MACROD2: variants seen among roughly 807,000 people sequenced by gnomAD.
The protein encoded by MACROD2 is mono-ADP ribosylhydrolase 2.
In MACROD2, 36 loss-of-function variants were observed where a neutral mutation model predicts 70.4. The ratio of observed to expected loss-of-function variants is 0.51; its 90% CI spans 0.39 to 0.68. MACROD2 has a LOEUF of 0.68. Among genes scored for constraint, MACROD2 ranks in the 30% least tolerant of loss-of-function variants. The probability of loss-of-function intolerance (pLI) is 0.00; values close to 1 mark genes in which losing one functional copy is unlikely to be tolerated. For missense variants in MACROD2, 496 were observed against 538.4 expected (o/e 0.92, Z 0.78); for synonymous variants, 172 against 178.8 (o/e 0.96, Z 0.30).
At chr20:14,161,690 C>T (rs942484255) in intron 3 of MACROD2, among the ~76,000 whole-genome samples, 1 of 151,956 alleles carries the variant, frequency 6.6e-6, no homozygotes, top group African/African-American at 2.4e-5. Context: ...GATTCTCCTG[C>T]CTCAGCCTTC....
At chr20:15,588,537 C>T (rs1027058788) in intron 8 of MACROD2, among the ~76,000 whole-genome samples, 1 of 152,114 alleles carries the variant, frequency 6.6e-6, no homozygotes, top group Non-Finnish European at 1.5e-5. Context: ...AACGTTTATG[C>T]TCTGTTTACC....
chr20:15,828,063 A>C (rs1474399290), intron 8 of MACROD2, among the ~76,000 whole-genome samples: 1 of 152,200 alleles, frequency 6.6e-6, no homozygotes, highest in Non-Finnish European at 1.5e-5. Flanking sequence ...GGTCTATTGT[A>C]CAGAATGATG....
At position 14,708,907 on chromosome 20, in the gene MACROD2, C is replaced by T. The variant is rs549896737; in HGVS notation, c.418+23948C>T. 1.6e-3 allele frequency among the ~76,000 whole-genome samples: 239 copies of T among 152,240 alleles called. 2 individuals carry two copies. The highest frequency in any genetic ancestry group is 1.0e-3 in the Non-Finnish European group (70 of 68,018). On this transcript the variant is annotated intron_variant, in intron 5 of 17. Coordinates refer to ENST00000684519, the MANE Select transcript of MACROD2 (RefSeq NM_001351661.2). ...TGCTGGAATTACAGGTGTGAGCCAC[C>T]GTGCCTGACCTGAACACCTGTTTTT...
At chr20:16,010,912 G>T (rs992790584) in intron 15 of MACROD2, among the ~76,000 whole-genome samples, 5 of 152,304 alleles carry the variant, frequency 3.3e-5, no homozygotes, top group South Asian at 2.1e-4. Flanking sequence ...CAAACGTGGT[G>T]TTCTCCTTTT....
At chr20:15,404,957 A>T (rs2045979188) in intron 6 of MACROD2, among the ~76,000 whole-genome samples, 2 of 152,226 alleles carry the variant, frequency 1.3e-5, no homozygotes, top group African/African-American at 4.8e-5. Flanking sequence ...TCAGTCATAA[A>T]AATGAAGTAC....
At chr20:15,511,951 G>T (rs530199946) in intron 8 of MACROD2, among the ~76,000 whole-genome samples, 2 of 152,358 alleles carry the variant, frequency 1.3e-5, no homozygotes, top group South Asian at 4.1e-4. Context: ...TCTTCAGGTA[G>T]TGGTTGAGAA....
chr20:14,009,134 A>T (rs1457685862), intron 2 of MACROD2, among the ~76,000 whole-genome samples: 2 of 152,214 alleles, frequency 1.3e-5, no homozygotes, highest in Non-Finnish European at 2.9e-5. Context: ...TAATTACACT[A>T]GAGTTTCTGC....
chr20:15,642,883 T>A (rs1276579733), intron 8 of MACROD2, among the ~76,000 whole-genome samples: 1 of 152,118 alleles, frequency 6.6e-6, no homozygotes, highest in African/African-American at 2.4e-5. Flanking sequence ...TCTGGACTCA[T>A]GGGACAAGAT....
chr20:14,508,736 G>T (rs923815913), intron 4 of MACROD2, among the ~76,000 whole-genome samples: 1 of 152,012 alleles, frequency 6.6e-6, no homozygotes, highest in African/African-American at 2.4e-5. Context: ...TAATTTTTCA[G>T]CATCTTATTA....
intron 3 of MACROD2, among the ~76,000 whole-genome samples, chr20:14,318,995 G>T (rs1003932199): frequency 1.3e-5 from 2 of 152,082 alleles, no homozygotes; most frequent in African/African-American, 4.8e-5. Context: ...ATTAAAGTAG[G>T]GTAGGGGAGA....
intron 6 of MACROD2, among the ~76,000 whole-genome samples, chr20:15,398,784 T>C (rs940035927): frequency 1.2e-4 from 18 of 152,320 alleles, no homozygotes; most frequent in Admixed American, 9.1e-4. Flanking sequence ...TCCATGTCTT[T>C]GCTTTCTTGT....
At chr20:14,338,804 T>C (rs2082980613) in intron 3 of MACROD2, among the ~76,000 whole-genome samples, 2 of 152,192 alleles carry the variant, frequency 1.3e-5, no homozygotes, top group African/African-American at 4.8e-5. Context: ...AACAGAATTA[T>C]ACTTGTATTT....
chr20:14,099,446 T>G (rs1172903100), intron 3 of MACROD2, among the ~76,000 whole-genome samples: 2 of 152,212 alleles, frequency 1.3e-5, no homozygotes, highest in East Asian at 3.8e-4. Flanking sequence ...CTTTAGTGTT[T>G]GGCTGTTTTT....
intron 5 of MACROD2, among the ~76,000 whole-genome samples, chr20:15,039,998 A>G (rs895445956): frequency 6.6e-6 from 1 of 152,068 alleles, no homozygotes; most frequent in Non-Finnish European, 1.5e-5. Context: ...AGTGGCATTT[A>G]TTACCCCAAG....
chr20:15,092,377 T>C (rs977194408), intron 5 of MACROD2, among the ~76,000 whole-genome samples: 1 of 148,990 alleles, frequency 6.7e-6, no homozygotes, highest in Non-Finnish European at 1.5e-5. Context: ...TAAATTTTTA[T>C]AAAGTATTCA....
chr20:14,315,905 A>G (rs1209445594), intron 3 of MACROD2, among the ~76,000 whole-genome samples: 1 of 152,200 alleles, frequency 6.6e-6, no homozygotes, highest in Non-Finnish European at 1.5e-5. Flanking sequence ...GTCTGTCTTT[A>G]TGTAGGTCTG....
intron 5 of MACROD2, chr20:14,884,569 A>G (rs956524439): frequency 2.6e-5 from 4 of 152,208 alleles, no homozygotes; most frequent in African/African-American, 9.7e-5. Context: ...AATTCTGCCC[A>G]AATTTAAGAG....
intron 8 of MACROD2, among the ~76,000 whole-genome samples, chr20:15,860,834 T>C (rs373770432): frequency 6.6e-6 from 1 of 152,194 alleles, no homozygotes; most frequent in African/African-American, 2.4e-5. Context: ...ATTTTTGGAA[T>C]GTTTTTGAGC....
chr20:15,638,778 AGGGG>A (rs1441696044), intron 8 of MACROD2, among the ~76,000 whole-genome samples: 1 of 152,224 alleles, frequency 6.6e-6, no homozygotes, highest in African/African-American at 2.4e-5. Context: ...ACTGGGGCAA[AGGGG>A]CCAGGTGGTT....
Sources: gnomAD v4.1 joint callset for allele counts (sites outside exome capture counted in the v4.1 genomes callset) on GRCh38, gnomAD v4.1.1 for gene constraint, MANE v1.5 for transcripts, NCBI Gene and HGNC (gene_info 2026-07-23, HGNC 2026-07-21) for gene names.